The following HHLA1 variants were observed in gnomAD, a reference collection of about 807,000 sequenced individuals.
HHLA1 encodes the protein HHLA1 neighbor of OC90, also known as HERV-H LTR-associating protein 1.
HHLA1 carries 72 observed loss-of-function variants against 69.9 expected under a neutral mutation model. The observed-to-expected ratio is 1.03, with a 90% CI of 0.85 to 1.25. HHLA1 has a LOEUF of 1.25. Among genes scored for constraint, HHLA1 ranks in the 50% most tolerant of loss-of-function variants. The pLI is 0.00. For missense variants in HHLA1, 685 were observed against 642.2 expected, an observed-to-expected ratio of 1.07 and a Z score of -0.72; for synonymous variants, 252 against 233.2, an observed-to-expected ratio of 1.08 and a Z score of -0.73.
intron 7 of HHLA1, among the ~76,000 whole-genome samples, chr8:132,092,911 G>T (rs1375840259): frequency 6.6e-6 from 1 of 152,200 alleles, no homozygotes; most frequent in African/African-American, 2.4e-5. Context: ...CAAGCTAGAA[G>T]GAGCCTGGGC....
intron 11 of HHLA1, among the ~76,000 whole-genome samples, chr8:132,078,740 A>T (rs1303258550): frequency 2.0e-5 from 3 of 152,136 alleles, no homozygotes; most frequent in Non-Finnish European, 4.4e-5. Flanking sequence ...GAGAGAGAAC[A>T]TTTATAGAGC....
rs1037440867 is a variant in HHLA1, at chr8:132,077,885, T to C, written c.1012A>G (p.Ile338Val). ...SISSVPWAQT[I>V]SEKKPGGSLW... The stretch of plus-strand genomic sequence containing the variant: ...GACCCTCCAGGTTTTTTCTCACTGA[T>C]GGTCTGAGCCCAGGGCACGGACGAT... Residue 338 changes from isoleucine to valine, a missense_variant, in exon 12 of 17, where the codon ATC (isoleucine) becomes GTC (valine). Transcript: ENST00000414222. 3.2e-6 allele frequency: 5 copies of C among 1,551,468 alleles called. No individual in the cohort carries two copies. Among genetic ancestry groups the C allele is most frequent in the Non-Finnish European group, 4.4e-6 (5 of 1,146,952 alleles).
At chr8:132,100,923 G>A (rs1824101945) in intron 3 of HHLA1, among the ~76,000 whole-genome samples, 1 of 152,184 alleles carries the variant, frequency 6.6e-6, no homozygotes, top group African/African-American at 2.4e-5. Context: ...TACGACTGTT[G>A]GAGTGGTCAT....
At chr8:132,075,999 A>G (rs1275812997) in intron 14 of HHLA1, 56 bp downstream of exon 14, 3 of 1,271,124 alleles carry the variant, frequency 2.4e-6, no homozygotes, top group African/African-American at 3.0e-5. Context: ...ATTCTACTAC[A>G]TGACCTTGTT....
At chr8:132,097,974 T>C (rs1227798749) in intron 5 of HHLA1, among the ~76,000 whole-genome samples, 2 of 152,238 alleles carry the variant, frequency 1.3e-5, no homozygotes, top group Non-Finnish European at 2.9e-5. Context: ...AAATAACATG[T>C]ACCATTACCT....
chr8:132,070,167 T>C, intron 15 of HHLA1: 1 of 561,102 alleles, frequency 1.8e-6, no homozygotes, highest in South Asian at 2.5e-5. Flanking sequence ...GAGAGATTGG[T>C]ATCCAGGCCA....
At chr8:132,082,397 T>C (rs545761611) in intron 10 of HHLA1, among the ~76,000 whole-genome samples, 1 of 152,304 alleles carries the variant, frequency 6.6e-6, no homozygotes, top group Admixed American at 6.5e-5. Context: ...TGGTCCTGGC[T>C]CTTGTGTAAG....
rs984488472 is a variant in HHLA1 at position 132,098,943 on chromosome 8, G to T, written c.219C>A (p.Ile73=). Residue 73 remains isoleucine, a synonymous_variant, in exon 5 of 17, where the codon ATC becomes ATA. Coordinates refer to ENST00000414222, the MANE Select transcript of HHLA1 (RefSeq NM_001145095.3). ...CTGTCAGGTTAAGCGCGGACAGATCGATTGACCTTGCGGGCAGCTCTGAAA... is the reference window on the plus strand; with the variant it reads ...CTGTCAGGTTAAGCGCGGACAGATCTATTGACCTTGCGGGCAGCTCTGAAA... ...LATTELPARS[I]DLSALNLTEL... 2.6e-6 allele frequency: 4 copies of T among 1,550,294 alleles called. No homozygotes were observed. The highest frequency in any genetic ancestry group is 2.0e-5 in the Admixed American group (1 of 50,894).
chr8:132,099,130 C>A (rs1461832298), intron 4 of HHLA1, among the ~76,000 whole-genome samples, 168 bp from the exon 5 acceptor site: 1 of 152,164 alleles, frequency 6.6e-6, no homozygotes, highest in Non-Finnish European at 1.5e-5. Flanking sequence ...AGGGTCTCGA[C>A]CTCAGGAGGT....
chr8:132,070,311 G>A (rs1268446976), intron 15 of HHLA1: 3 of 701,698 alleles, frequency 4.3e-6, no homozygotes, highest in Non-Finnish European at 7.8e-6. Flanking sequence ...TATAAAACAG[G>A]TTCTGCTTTT....
At chr8:132,110,741 C>A (rs945399776) in intron 1 of HHLA1, among the ~76,000 whole-genome samples, 5 of 152,162 alleles carry the variant, frequency 3.3e-5, no homozygotes, top group African/African-American at 1.2e-4. Context: ...CACTGCCAGC[C>A]ATTTTTTAGC....
intron 1 of HHLA1, among the ~76,000 whole-genome samples, chr8:132,107,475 A>G (rs1824221214): frequency 6.6e-6 from 1 of 151,892 alleles, no homozygotes; most frequent in Non-Finnish European, 1.5e-5. Context: ...TAATTTTTGT[A>G]TTATTAGTAG....
At chr8:132,097,938 T>C (rs1319439116) in intron 5 of HHLA1, among the ~76,000 whole-genome samples, 1 of 152,242 alleles carries the variant, frequency 6.6e-6, no homozygotes, top group African/African-American at 2.4e-5. Flanking sequence ...CAACACTGAA[T>C]TGGCATTCTC....
chr8:132,079,632 G>A, intron 11 of HHLA1, 86 bp downstream of exon 11: 1 of 1,377,844 alleles, frequency 7.3e-7, no homozygotes, highest in South Asian at 1.5e-5. Flanking sequence ...AGGGATTAAG[G>A]TAAGGATTTT....
Position 132,077,715 on chromosome 8 carries a change from C to T in HHLA1, c.1171+11G>A, listed in dbSNP as rs1823668276. 1 of 1,550,284 alleles carries T rather than the reference C, an allele frequency of 6.5e-7. No individual in the cohort carries two copies. Among genetic ancestry groups the T allele is most frequent in the Admixed American group, 2.0e-5 (1 of 50,958 alleles). ...AAAACGGGAGAGGTAGAAGTGAGCA[C>T]CCTCTCTTACCCAAGGTAGGGCTGG... On this transcript the variant is annotated intron_variant, in intron 12 of 16. Transcript: ENST00000414222.
In HHLA1 at chr8:132,104,001, A is replaced by T. The variant is rs192475028; in HGVS notation, c.139+107T>A. The T allele has an allele frequency of 2.4e-3, 1,753 of 734,320 alleles. 10 individuals carry two copies. Among genetic ancestry groups the T allele is most frequent in the Non-Finnish European group, 3.0e-3 (1,234 of 408,254 alleles). The allele number at this position is 734,320 out of a possible 1,614,324, so 45.5% of individuals were successfully genotyped here. A position where few individuals can be genotyped will look rare whatever the true frequency, so the allele number is the denominator to read the frequency against. ...ATTGTTGTGACTATTAGAGTGTTAG[A>T]TGCGGATATAATCGCTGTCTTATCA... On this transcript the variant is annotated intron_variant, in intron 3 of 16. Coordinates refer to ENST00000414222, the MANE Select transcript of HHLA1 (RefSeq NM_001145095.3).
chr8:132,101,582 A>ATTTTTTT (rs56123548), intron 3 of HHLA1, among the ~76,000 whole-genome samples: 1 of 145,266 alleles, frequency 6.9e-6, no homozygotes. Flanking sequence ...TACCCTATTA[A>ATTTTTTT]TTTTTTTTTT....
In HHLA1 at chr8:132,083,108, C is replaced by T. The variant is rs372085470; in HGVS notation, c.677-3142G>A. Among the ~76,000 whole-genome samples the T allele has an allele frequency of 1.2e-4, 18 of 150,774 alleles. No homozygotes were observed. The East Asian group carries it at 2.1e-3, about 18-fold the overall frequency. ...AGGTGGGGGGGATACAAGAGGAGGA[C>T]GCAAAGGAGGCTTTGGATTGGGAAG... On this transcript the variant is annotated intron_variant, in intron 10 of 16. Transcript: ENST00000414222.
rs776381775 is a variant in HHLA1 at position 132,089,269 on chromosome 8, C to G, written c.532+247G>C. Among the ~76,000 whole-genome samples, 19 of 152,120 alleles carry G rather than the reference C, an allele frequency of 1.2e-4. 1 individual carries two copies. Among genetic ancestry groups the G allele is most frequent in the Admixed American group, 1.2e-3 (19 of 15,264 alleles). On this transcript the variant is annotated intron_variant, in intron 8 of 16. Transcript: ENST00000414222. ...TGTTTTCTTGAGTCTGCCTACGTTCCTTAAACTTTTGAGCTTTGGATTCTT... is the reference window on the plus strand; with the variant it reads ...TGTTTTCTTGAGTCTGCCTACGTTCGTTAAACTTTTGAGCTTTGGATTCTT...
Sources: gnomAD v4.1 joint callset for allele counts (sites outside exome capture counted in the v4.1 genomes callset) on GRCh38, gnomAD v4.1.1 for gene constraint, MANE v1.5 for transcripts, NCBI Gene and HGNC (gene_info 2026-07-23, HGNC 2026-07-21) for gene names.